Variants in SNTG1 observed in about 807,000 individuals in gnomAD.
SNTG1 encodes the protein syntrophin gamma 1, also known as gamma-1-syntrophin.
Under a neutral mutation model 74.7 loss-of-function variants are expected in SNTG1, and 39 were observed. The ratio of observed to expected loss-of-function variants is 0.52; its 90% CI spans 0.40 to 0.68. The LOEUF is 0.68. Among genes scored for constraint, SNTG1 ranks in the 30% least tolerant of loss-of-function variants. SNTG1 has a pLI of 0.00. For synonymous variants in SNTG1, 254 were observed against 217.1 expected (o/e 1.17, Z -1.49); for missense variants, 685 against 609.5 (o/e 1.12, Z -1.30).
In SNTG1 at chr8:50,406,331, CT is replaced by C. The variant is rs1437329408; in HGVS notation, c.162+3991del. Among the ~76,000 whole-genome samples, 7 of 151,890 alleles carry C rather than the reference CT, an allele frequency of 4.6e-5. No individual in the cohort carries two copies. The South Asian group carries it at 1.2e-3, about 27-fold the overall frequency. ...TGTTAAAAATTATTTTCTTAGTTTA[CT>C]TTTGGATTATTTATTGTTAGTGCAC... On this transcript the variant is annotated intron_variant, in intron 4 of 18. Transcript: ENST00000642720.
At chr8:50,399,121 T>C (rs1430053451) in intron 3 of SNTG1, among the ~76,000 whole-genome samples, 1 of 152,224 alleles carries the variant, frequency 6.6e-6, no homozygotes, top group Non-Finnish European at 1.5e-5. Context: ...GTAATATCTG[T>C]AACCTCTGGA....
At chr8:50,350,983 T>A (rs1375604093) in intron 2 of SNTG1, among the ~76,000 whole-genome samples, 1 of 152,182 alleles carries the variant, frequency 6.6e-6, no homozygotes, top group East Asian at 1.9e-4. Context: ...TTGCAATAAA[T>A]CTTGTTGGTG....
intron 2 of SNTG1, among the ~76,000 whole-genome samples, chr8:50,215,833 C>G (rs2084764963): frequency 6.6e-6 from 1 of 152,134 alleles, no homozygotes; most frequent in Non-Finnish European, 1.5e-5. Context: ...CACATGGCAT[C>G]TGCCACATGG....
At chr8:49,971,483 C>T (rs1324979423) in intron 1 of SNTG1, among the ~76,000 whole-genome samples, 1 of 152,156 alleles carries the variant, frequency 6.6e-6, no homozygotes, top group African/African-American at 2.4e-5. Flanking sequence ...CTCACCACTC[C>T]TATTCAACAT....
intron 15 of SNTG1, among the ~76,000 whole-genome samples, chr8:50,667,996 C>T (rs2095258921): frequency 6.6e-6 from 1 of 151,906 alleles, no homozygotes; most frequent in South Asian, 2.1e-4. Flanking sequence ...TTTAGTGTTG[C>T]TGCTCTGGGT....
intron 18 of SNTG1, among the ~76,000 whole-genome samples, chr8:50,778,420 T>C (rs1563829958): frequency 6.6e-6 from 1 of 151,980 alleles, no homozygotes; most frequent in African/African-American, 2.4e-5. Flanking sequence ...TGGTATCTCA[T>C]TGTGGTTTTG....
intron 1 of SNTG1, among the ~76,000 whole-genome samples, chr8:49,926,134 T>C (rs1461957609): frequency 2.0e-5 from 3 of 152,118 alleles, no homozygotes; most frequent in African/African-American, 7.2e-5. Context: ...AAAACAATAA[T>C]AAGGTTCTAG....
chr8:50,636,310 C>T (rs142471150), intron 13 of SNTG1, among the ~76,000 whole-genome samples: 2 of 151,970 alleles, frequency 1.3e-5, no homozygotes, highest in East Asian at 3.9e-4. Context: ...AGGTCATATG[C>T]CCTCAAATCC....
intron 9 of SNTG1, among the ~76,000 whole-genome samples, chr8:50,519,203 C>T (rs957150731): frequency 2.6e-5 from 4 of 152,098 alleles, no homozygotes; most frequent in African/African-American, 2.4e-5. Flanking sequence ...ATGACAAAAA[C>T]CACATAATTA....
chr8:50,690,620 T>G (rs1431737859), intron 15 of SNTG1, among the ~76,000 whole-genome samples: 1 of 152,196 alleles, frequency 6.6e-6, no homozygotes, highest in African/African-American at 2.4e-5. Context: ...AGACAGTTTG[T>G]TATCATTTCT....
intron 1 of SNTG1, among the ~76,000 whole-genome samples, chr8:49,939,425 T>C (rs531445570): frequency 1.3e-5 from 2 of 152,334 alleles, no homozygotes; most frequent in Non-Finnish European, 2.9e-5. Flanking sequence ...ACACCACAAA[T>C]GCTCACTTAA....
chr8:50,479,182 T>A (rs572741092), intron 8 of SNTG1, among the ~76,000 whole-genome samples: 7 of 152,256 alleles, frequency 4.6e-5, no homozygotes, highest in Non-Finnish European at 7.4e-5. Flanking sequence ...GTACATGCCA[T>A]TTGAAGAAAG....
chr8:50,704,774 G>A (rs2095438043), intron 16 of SNTG1, 22 bp downstream of exon 16: 2 of 1,613,118 alleles, frequency 1.2e-6, no homozygotes, highest in African/African-American at 2.7e-5. Flanking sequence ...TGGGACTGCA[G>A]GATGTGTGGC....
chr8:50,754,225 T>A (rs73678684), intron 18 of SNTG1, among the ~76,000 whole-genome samples: 1 of 151,994 alleles, frequency 6.6e-6, no homozygotes, highest in Non-Finnish European at 1.5e-5. Context: ...AATTGCACCA[T>A]AGAATAGAAA....
intron 13 of SNTG1, among the ~76,000 whole-genome samples, chr8:50,654,179 C>G (rs1286979568): frequency 6.6e-6 from 1 of 152,080 alleles, no homozygotes; most frequent in Non-Finnish European, 1.5e-5. Context: ...TGTTCATTCC[C>G]TTTCTTAGCT....
intron 1 of SNTG1, among the ~76,000 whole-genome samples, chr8:50,023,669 G>A (rs780055850): frequency 7.9e-5 from 12 of 152,070 alleles, no homozygotes; most frequent in Non-Finnish European, 1.3e-4. Context: ...CCTCTTTCCT[G>A]GTCTTTTACA....
intron 1 of SNTG1, among the ~76,000 whole-genome samples, chr8:50,060,592 G>T (rs1419602649): frequency 6.6e-6 from 1 of 151,762 alleles, no homozygotes; most frequent in African/African-American, 2.4e-5. Context: ...GGAACTTCTT[G>T]CACTATGTTG....
chr8:50,321,312 A>G, intron 2 of SNTG1, among the ~76,000 whole-genome samples: 1 of 151,864 alleles, frequency 6.6e-6, no homozygotes, highest in Non-Finnish European at 1.5e-5. Flanking sequence ...CTATAGTTTT[A>G]TCTTGAAATC....
intron 1 of SNTG1, among the ~76,000 whole-genome samples, chr8:50,158,339 C>T (rs2082314232): frequency 1.3e-5 from 2 of 151,984 alleles, no homozygotes; most frequent in Non-Finnish European, 2.9e-5. Context: ...AACAATTGTA[C>T]CCATGTGCAA....
Sources: allele counts gnomAD v4.1 joint callset (sites outside exome capture counted in the v4.1 genomes callset), GRCh38; gene constraint gnomAD v4.1.1; transcripts MANE v1.5; gene names NCBI Gene and HGNC (gene_info 2026-07-23, HGNC 2026-07-21).